RANBP2: variants seen among roughly 807,000 people sequenced by gnomAD.
RANBP2 encodes the protein RAN binding protein 2.
In RANBP2, 57 loss-of-function variants were observed where a neutral mutation model predicts 303.6. The ratio of observed to expected loss-of-function variants is 0.19; its 90% CI spans 0.15 to 0.23. The LOEUF (loss-of-function observed/expected upper bound fraction) is 0.23, where lower values mean the gene tolerates loss of function less well. Among genes scored for constraint, RANBP2 ranks in the 10% least tolerant of loss-of-function variants. The probability of loss-of-function intolerance (pLI) is 1.00; values close to 1 mark genes in which losing one functional copy is unlikely to be tolerated. For synonymous variants in RANBP2, 1,167 were observed against 1,301.5 expected (o/e 0.90, Z 2.23); for missense variants, 3,138 against 3,780.8 (o/e 0.83, Z 4.46).
the RANBP2 span, among the ~76,000 whole-genome samples, chr2:109,719,582 T>G: frequency 6.6e-6 from 1 of 151,862 alleles, no homozygotes; most frequent in Non-Finnish European, 1.5e-5. Flanking sequence ...TATTTTTGTA[T>G]TTTTAGTAGA....
At chr2:109,215,414 C>T in the RANBP2 span, among the ~76,000 whole-genome samples, 1 of 146,732 alleles carries the variant, frequency 6.8e-6, no homozygotes, top group Admixed American at 6.8e-5. Flanking sequence ...AACTCAGATG[C>T]TTTGTAAAAT....
chr2:109,719,884 A>G, the RANBP2 span, among the ~76,000 whole-genome samples: 5 of 152,162 alleles, frequency 3.3e-5, no homozygotes, highest in Non-Finnish European at 5.9e-5. Context: ...TCTTTAAGCA[A>G]AAATTCATTT....
At chr2:109,335,240 C>T in the RANBP2 span, among the ~76,000 whole-genome samples, 12 of 152,244 alleles carry the variant, frequency 7.9e-5, no homozygotes, top group Non-Finnish European at 1.5e-4. Context: ...GACTGTGGGG[C>T]AAGGCCCCTC....
the RANBP2 span, among the ~76,000 whole-genome samples, chr2:109,221,549 T>TTA: frequency 7.3e-6 from 1 of 136,738 alleles, no homozygotes; most frequent in Non-Finnish European, 1.5e-5. Flanking sequence ...GCCAGTGCAC[T>TTA]CCAGCCTGGG....
At chr2:109,590,097 C>T in the RANBP2 span, among the ~76,000 whole-genome samples, 1 of 146,444 alleles carries the variant, frequency 6.8e-6, no homozygotes, top group East Asian at 2.0e-4. Context: ...TATATACACA[C>T]ATATATATGT....
chr2:109,526,024 A>G, the RANBP2 span, among the ~76,000 whole-genome samples: 1 of 152,040 alleles, frequency 6.6e-6, no homozygotes, highest in African/African-American at 2.4e-5. Context: ...AGCTGCTCGC[A>G]ATCCCGAGCA....
chr2:109,415,167 C>T, the RANBP2 span, among the ~76,000 whole-genome samples: 1 of 152,190 alleles, frequency 6.6e-6, no homozygotes, highest in African/African-American at 2.4e-5. Flanking sequence ...CTCCTCCAGA[C>T]TCCCAGAGGG....
chr2:108,840,871 G>A, the RANBP2 span, among the ~76,000 whole-genome samples: 116 of 151,472 alleles, frequency 7.7e-4, no homozygotes, highest in Non-Finnish European at 1.4e-3. Context: ...GAATTCACTG[G>A]CACAGTCTCG....
At chr2:108,844,218 G>GA in the RANBP2 span, among the ~76,000 whole-genome samples, 1 of 151,952 alleles carries the variant, frequency 6.6e-6, no homozygotes, top group Non-Finnish European at 1.5e-5. Flanking sequence ...CTAATGACGT[G>GA]ATTTTAGATG....
At chr2:109,529,947 G>A in the RANBP2 span, among the ~76,000 whole-genome samples, 1 of 152,152 alleles carries the variant, frequency 6.6e-6, no homozygotes, top group Non-Finnish European at 1.5e-5. Context: ...GGTCCCTTGG[G>A]CCATCAGCCT....
At chr2:109,654,104 G>A in the RANBP2 span, among the ~76,000 whole-genome samples, 1 of 152,118 alleles carries the variant, frequency 6.6e-6, no homozygotes, top group Non-Finnish European at 1.5e-5. Context: ...TGTGGGAGGG[G>A]TTATTTCCGC....
At chr2:109,574,769 T>C in the RANBP2 span, 3 of 1,562,268 alleles carry the variant, frequency 1.9e-6, no homozygotes, top group Non-Finnish European at 8.6e-7. Context: ...GGTTGGTAGC[T>C]GAAAAATTAT....
chr2:109,397,010 GCCTA>G, the RANBP2 span, among the ~76,000 whole-genome samples: 1 of 152,182 alleles, frequency 6.6e-6, no homozygotes, highest in Admixed American at 6.5e-5. Flanking sequence ...CCCCCCGGTG[GCCTA>G]CCTGCAGTTT....
chr2:108,760,709 A>G (rs533765949), intron 18 of RANBP2, among the ~76,000 whole-genome samples: 4 of 152,314 alleles, frequency 2.6e-5, no homozygotes, highest in East Asian at 1.9e-4. Context: ...GCCATCTTCA[A>G]CGTGGGTACC....
At chr2:109,568,016 T>G in the RANBP2 span, 1 of 1,471,892 alleles carries the variant, frequency 6.8e-7, no homozygotes, top group African/African-American at 1.4e-5. Context: ...ACTGAGGATT[T>G]TTTTTTTTAA....
At chr2:108,927,182 C>T in the RANBP2 span, among the ~76,000 whole-genome samples, 5 of 152,322 alleles carry the variant, frequency 3.3e-5, no homozygotes, top group South Asian at 1.0e-3. Context: ...GAGGCACGTG[C>T]TGAGGGTGTC....
the RANBP2 span, among the ~76,000 whole-genome samples, chr2:109,525,119 C>T: frequency 6.7e-6 from 1 of 149,778 alleles, no homozygotes; most frequent in African/African-American, 2.5e-5. Context: ...GAGGCTTCAG[C>T]AAATATCCCT....
the RANBP2 span, among the ~76,000 whole-genome samples, chr2:109,509,606 A>T: frequency 6.6e-6 from 1 of 152,198 alleles, no homozygotes; most frequent in East Asian, 1.9e-4. Flanking sequence ...GTTACATGCC[A>T]TAGTGGTCAA....
chr2:109,621,345 G>T, the RANBP2 span, among the ~76,000 whole-genome samples: 1 of 152,092 alleles, frequency 6.6e-6, no homozygotes. Context: ...TAGAGACGGG[G>T]TTTCACCATG....
Sources: allele counts gnomAD v4.1 joint callset (sites outside exome capture counted in the v4.1 genomes callset), GRCh38; gene constraint gnomAD v4.1.1; transcripts MANE v1.5; gene names NCBI Gene and HGNC (gene_info 2026-07-23, HGNC 2026-07-21).